Variants in ACTL8 observed in about 807,000 individuals in gnomAD.
ACTL8 encodes the protein actin like 8.
Under a neutral mutation model 9.3 loss-of-function variants are expected in ACTL8, and 3 were observed. The ratio of observed to expected loss-of-function variants is 0.32; its 90% CI spans 0.15 to 0.83. The LOEUF is 0.83. Among genes scored for constraint, ACTL8 ranks in the 40% least tolerant of loss-of-function variants. The pLI, the probability that ACTL8 is intolerant of heterozygous loss-of-function variation, is 0.57. For synonymous variants in ACTL8, 224 were observed against 205.9 expected (o/e 1.09, Z -0.75); for missense variants, 381 against 492.2 (o/e 0.77, Z 2.14).
chr1:17,807,048 C>T (rs1489608392), intron 1 of ACTL8, among the ~76,000 whole-genome samples: 1 of 152,216 alleles, frequency 6.6e-6, no homozygotes, highest in African/African-American at 2.4e-5. Flanking sequence ...CTTCCATCTT[C>T]AGATCTGGCA....
Position 17,757,971 on chromosome 1 carries a change from C to T in ACTL8, c.-25+2467C>T, listed in dbSNP as rs76442629. On this transcript the variant is annotated intron_variant, in intron 1 of 2. Coordinates refer to ENST00000375406, the MANE Select transcript of ACTL8 (RefSeq NM_030812.3). Reference sequence around the variant, plus strand: ...AGGGAATCCAAAGGCTTGGGGAGACCGCAATGTTGGACTGCATGTATCATG... The same window carrying T: ...AGGGAATCCAAAGGCTTGGGGAGACTGCAATGTTGGACTGCATGTATCATG... 4.3e-3 allele frequency among the ~76,000 whole-genome samples: 654 copies of T among 152,246 alleles called. 6 individuals carry two copies. The highest frequency in any genetic ancestry group is 0.015 in the African/African-American group (636 of 41,538).
At chr1:17,806,754 C>G (rs1029723716) in intron 1 of ACTL8, among the ~76,000 whole-genome samples, 1 of 152,230 alleles carries the variant, frequency 6.6e-6, no homozygotes, top group Non-Finnish European at 1.5e-5. Context: ...TTCTGCAGAG[C>G]CCTGCGACCT....
chr1:17,766,350 C>G (rs1257828501), intron 1 of ACTL8, among the ~76,000 whole-genome samples: 1 of 152,190 alleles, frequency 6.6e-6, no homozygotes, highest in Admixed American at 6.5e-5. Context: ...CGGCAGAGAA[C>G]TTGTGCATTC....
chr1:17,762,318 G>A (rs920010775), intron 1 of ACTL8, among the ~76,000 whole-genome samples: 1 of 152,060 alleles, frequency 6.6e-6, no homozygotes, highest in Non-Finnish European at 1.5e-5. Context: ...GGGTCTTGTC[G>A]CTGGTCCACG....
intron 1 of ACTL8, among the ~76,000 whole-genome samples, chr1:17,761,115 CA>C (rs1485754208): frequency 1.3e-5 from 2 of 148,788 alleles, no homozygotes; most frequent in Non-Finnish European, 3.0e-5. Context: ...AACTCGGGGA[CA>C]GGGGTCATTG....
At chr1:17,803,787 C>T (rs76741200) in intron 1 of ACTL8, among the ~76,000 whole-genome samples, 2,835 of 152,130 alleles carry the variant, frequency 0.019, 40 homozygotes, top group East Asian at 0.078. Context: ...ACAGAGTGAG[C>T]GAGGGAGAGT....
At chr1:17,789,113 T>A (rs2066219757) in intron 1 of ACTL8, among the ~76,000 whole-genome samples, 1 of 152,234 alleles carries the variant, frequency 6.6e-6, no homozygotes, top group Non-Finnish European at 1.5e-5. Context: ...AGGCAGTGCA[T>A]GTTCTTAATT....
chr1:17,793,272 C>A (rs2066254379), intron 1 of ACTL8, among the ~76,000 whole-genome samples: 1 of 152,202 alleles, frequency 6.6e-6, no homozygotes, highest in African/African-American at 2.4e-5. Flanking sequence ...CTGGAAGGGT[C>A]TGGAGTGGCC....
intron 1 of ACTL8, among the ~76,000 whole-genome samples, chr1:17,756,581 C>G (rs1243267273): frequency 6.6e-6 from 1 of 152,132 alleles, no homozygotes; most frequent in African/African-American, 2.4e-5. Context: ...ATGAAACTTT[C>G]CCTGTAAAAA....
rs76233894 is a variant in ACTL8 at position 17,755,786 on chromosome 1, C to T, written c.-25+282C>T. Among the ~76,000 whole-genome samples, 1,443 of 152,294 alleles carry T rather than the reference C, an allele frequency of 9.5e-3. 26 individuals are homozygous for T. The highest frequency in any genetic ancestry group is 0.033 in the African/African-American group (1,374 of 41,578). ...ACATGTGTGGGACTGGGGGCCCTTC[C>T]TTGGGGGCCCAAGCTTAGCCCCTTG... On this transcript the variant is annotated intron_variant, in intron 1 of 2. Coordinates refer to ENST00000375406, the MANE Select transcript of ACTL8 (RefSeq NM_030812.3).
intron 1 of ACTL8, among the ~76,000 whole-genome samples, chr1:17,759,896 C>G (rs2065990114): frequency 6.6e-6 from 1 of 152,182 alleles, no homozygotes; most frequent in Non-Finnish European, 1.5e-5. Context: ...GTTCCCTTTA[C>G]TTTCTAGCCA....
At position 17,800,622 on chromosome 1, in the gene ACTL8, T is replaced by C. The variant is rs187202976; in HGVS notation, c.-24-22363T>C. Among the ~76,000 whole-genome samples the C allele has an allele frequency of 3.5e-4, 44 of 127,424 alleles. No homozygotes were observed. In the East Asian group the frequency reaches 0.012, roughly 34 times the overall value. The allele number at this position is 127,424 out of a possible 152,430, so 83.6% of individuals were successfully genotyped here. The stretch of plus-strand genomic sequence containing the variant: ...TTTTTTTTTTTTTTGAGACAGAGTC[T>C]CGCACTATTGTTGCCAGGGCTGGAG... On this transcript the variant is annotated intron_variant, in intron 1 of 2. Transcript: ENST00000375406.
intron 1 of ACTL8, among the ~76,000 whole-genome samples, chr1:17,778,228 A>T (rs757530976): frequency 1.3e-5 from 2 of 152,204 alleles, no homozygotes; most frequent in African/African-American, 4.8e-5. Context: ...GAAAGGGTTT[A>T]TCCAGGCATG....
chr1:17,769,518 G>A (rs1167520340), intron 1 of ACTL8, among the ~76,000 whole-genome samples: 1 of 152,156 alleles, frequency 6.6e-6, no homozygotes, highest in African/African-American at 2.4e-5. Context: ...GCTCTGTCAC[G>A]AATTCCCTGC....
chr1:17,762,711 A>C (rs2066015650), intron 1 of ACTL8, among the ~76,000 whole-genome samples: 1 of 151,918 alleles, frequency 6.6e-6, no homozygotes, highest in South Asian at 2.1e-4. Context: ...AGGAAAAACC[A>C]AGCTTCTCTG....
intron 1 of ACTL8, among the ~76,000 whole-genome samples, chr1:17,810,608 C>G (rs1430385815): frequency 6.6e-6 from 1 of 152,024 alleles, no homozygotes; most frequent in East Asian, 1.9e-4. Context: ...AGGCATGTAA[C>G]CACTCTGGCA....
At chr1:17,757,637 C>G (rs932818657) in intron 1 of ACTL8, among the ~76,000 whole-genome samples, 2 of 152,138 alleles carry the variant, frequency 1.3e-5, no homozygotes, top group Non-Finnish European at 2.9e-5. Context: ...GTCACTAGCC[C>G]CTAGCTGTGG....
chr1:17,819,295 G>C (rs1036992372), intron 1 of ACTL8, among the ~76,000 whole-genome samples: 1 of 152,256 alleles, frequency 6.6e-6, no homozygotes, highest in African/African-American at 2.4e-5. Flanking sequence ...GGATGATTGA[G>C]TGTGAGGAAT....
In ACTL8 at chr1:17,767,101, C is replaced by T. The variant is rs1033687485; in HGVS notation, c.-25+11597C>T. On this transcript the variant is annotated intron_variant, in intron 1 of 2. Transcript: ENST00000375406. This position sits in a 1 kb window ranked among gnomAD's most constrained non-coding sequence, Gnocchi z 4.7. ...TGACTTTGGCCACAGTGGTCAGGGA[C>T]GGGGGAAGCAGACACCTGAGGGGGA... Among the ~76,000 whole-genome samples the T allele has an allele frequency of 2.6e-5, 4 of 152,090 alleles. No individual in the cohort carries two copies. Among genetic ancestry groups the T allele is most frequent in the East Asian group, 1.9e-4 (1 of 5,156 alleles).
Sources: gnomAD v4.1 joint callset for allele counts (sites outside exome capture counted in the v4.1 genomes callset) on GRCh38, gnomAD v4.1.1 for gene constraint, Gnocchi (gnomAD v3.1) non-coding constraint, MANE v1.5 for transcripts, NCBI Gene and HGNC (gene_info 2026-07-23, HGNC 2026-07-21) for gene names.